Variants in RMND5A observed in about 807,000 individuals in gnomAD.
RMND5A encodes the protein required for meiotic nuclear division 5 homolog A.
In RMND5A, 17 loss-of-function variants were observed where a neutral mutation model predicts 49.7. The observed-to-expected ratio is 0.34, with a 90% CI of 0.23 to 0.51. The LOEUF (loss-of-function observed/expected upper bound fraction) is 0.51. RMND5A is among the 20% of genes least tolerant of loss of function. RMND5A has a pLI of 0.96. For synonymous variants in RMND5A, 156 were observed against 167.7 expected, an observed-to-expected ratio of 0.93 and a Z score of 0.54; for missense variants, 255 against 471.3, an observed-to-expected ratio of 0.54 and a Z score of 4.25.
intron 1 of RMND5A, among the ~76,000 whole-genome samples, chr2:86,728,918 A>T (rs2674790): frequency 6.7e-6 from 1 of 148,522 alleles, no homozygotes; most frequent in African/African-American, 2.5e-5. Flanking sequence ...AGGCCTGACT[A>T]TTTTTTTTTT....
At chr2:86,758,799 T>C (rs1282260650) in intron 4 of RMND5A, among the ~76,000 whole-genome samples, 2 of 152,338 alleles carry the variant, frequency 1.3e-5, no homozygotes, top group African/African-American at 2.4e-5. Context: ...ACACTGAGTG[T>C]TCTTTTCAGT....
At chr2:86,753,215 A>G (rs546554782) in intron 3 of RMND5A, among the ~76,000 whole-genome samples, 1 of 152,140 alleles carries the variant, frequency 6.6e-6, no homozygotes, top group South Asian at 2.1e-4. Flanking sequence ...CATTGGTCAG[A>G]ACTTAACGTC....
intron 4 of RMND5A, among the ~76,000 whole-genome samples, chr2:86,760,509 C>T (rs965283994): frequency 6.6e-6 from 1 of 152,228 alleles, no homozygotes; most frequent in African/African-American, 2.4e-5. Flanking sequence ...ATACAGACTT[C>T]TCTGCCAGCT....
chr2:86,758,845 G>A (rs1324907134), intron 4 of RMND5A, among the ~76,000 whole-genome samples: 1 of 152,026 alleles, frequency 6.6e-6, no homozygotes, highest in Non-Finnish European at 1.5e-5. Context: ...TCACTTTTTT[G>A]ACTGAACTTT....
At chr2:86,764,150 T>TA (rs1369127748) in intron 4 of RMND5A, among the ~76,000 whole-genome samples, 1 of 152,236 alleles carries the variant, frequency 6.6e-6, no homozygotes, top group African/African-American at 2.4e-5. Flanking sequence ...TTTGTATTCT[T>TA]ACCCAGTTCA....
chr2:86,760,381 G>A (rs1255416819), intron 4 of RMND5A, among the ~76,000 whole-genome samples: 1 of 152,172 alleles, frequency 6.6e-6, no homozygotes, highest in Non-Finnish European at 1.5e-5. Flanking sequence ...AGTCTTTGCA[G>A]GTTTCTAACA....
chr2:86,746,479 C>A lies in RMND5A; in HGVS notation c.285+5410C>A, dbSNP rs138602478. Reference sequence around the variant, plus strand: ...TTTCATGTACATTATTTACCTTTATCTTCACCAAAGACTTGTAAGGTCGAG... The same window carrying A: ...TTTCATGTACATTATTTACCTTTATATTCACCAAAGACTTGTAAGGTCGAG... On this transcript the variant is annotated intron_variant, in intron 2 of 8. Coordinates refer to ENST00000283632, the MANE Select transcript of RMND5A (RefSeq NM_022780.4). Among the ~76,000 whole-genome samples the A allele has an allele frequency of 4.2e-3, 640 of 152,282 alleles. 3 individuals are homozygous for A. The highest frequency in any genetic ancestry group is 0.015 in the African/African-American group (609 of 41,542).
At position 86,720,746 on chromosome 2, in the gene RMND5A, C is replaced by G; in HGVS notation, c.79C>G (p.Arg27Gly). 1 of 1,592,862 alleles carries G rather than the reference C, an allele frequency of 6.3e-7. No individual in the cohort carries two copies. The highest frequency in any genetic ancestry group is 1.1e-5 in the South Asian group (1 of 88,176). Residue 27 changes from arginine to glycine, a missense_variant, in exon 1 of 9, where the codon CGC becomes GGC. This residue lies in a region of RMND5A where 42 missense variants were observed against 59.9 expected (regional missense o/e 0.70). Transcript: ENST00000283632. Reference protein sequence around the residue: ...KFSGYGQLCERGLEELIDYTG... With the variant: ...KFSGYGQLCEGGLEELIDYTG... Reference sequence around the variant, plus strand: ...CTCAGGCTACGGGCAGCTGTGCGAGCGCGGCCTGGAGGAGCTCATCGACTA... The same window carrying G: ...CTCAGGCTACGGGCAGCTGTGCGAGGGCGGCCTGGAGGAGCTCATCGACTA...
In RMND5A at chr2:86,765,618, C is replaced by G. The variant is rs76553041; in HGVS notation, c.689-241C>G. ...ACTTCTCTAGGTAATGGTAATTATACTATGCTGTAGAGAAGAATTTAAATT... is the reference window on the plus strand; with the variant it reads ...ACTTCTCTAGGTAATGGTAATTATAGTATGCTGTAGAGAAGAATTTAAATT... On this transcript the variant is annotated intron_variant, in intron 5 of 8. Transcript: ENST00000283632. 2.9e-3 allele frequency: 1,279 copies of G among 448,446 alleles called. 16 individuals are homozygous for G. The highest frequency in any genetic ancestry group is 0.023 in the African/African-American group (1,146 of 50,448). 27.8% of individuals were successfully genotyped at this position (448,446 alleles called of 1,614,324 possible).
At chr2:86,725,187 A>T (rs1274535807) in intron 1 of RMND5A, among the ~76,000 whole-genome samples, 1 of 115,248 alleles carries the variant, frequency 8.7e-6, no homozygotes, top group Non-Finnish European at 1.8e-5. Context: ...TAAATTTAAA[A>T]TTTATTTATT....
intron 4 of RMND5A, among the ~76,000 whole-genome samples, chr2:86,761,455 TAAGA>T (rs1233287477): frequency 6.6e-6 from 1 of 152,126 alleles, no homozygotes; most frequent in Non-Finnish European, 1.5e-5. Flanking sequence ...CCTGGAGGTA[TAAGA>T]GAGAGGTCCT....
At chr2:86,749,547 C>T (rs946332895) in intron 2 of RMND5A, among the ~76,000 whole-genome samples, 3 of 152,032 alleles carry the variant, frequency 2.0e-5, no homozygotes, top group South Asian at 2.1e-4. Context: ...CCCACCACCA[C>T]GCCCAGCTAA....
intron 4 of RMND5A, among the ~76,000 whole-genome samples, chr2:86,761,625 T>C (rs922717417): frequency 6.6e-6 from 1 of 152,198 alleles, no homozygotes; most frequent in African/African-American, 2.4e-5. Flanking sequence ...TTAGTCTTAA[T>C]ATAGTATTAA....
intron 2 of RMND5A, among the ~76,000 whole-genome samples, chr2:86,750,145 T>C (rs1180508981): frequency 6.6e-6 from 1 of 152,238 alleles, no homozygotes; most frequent in African/African-American, 2.4e-5. Flanking sequence ...GCAATGCCTA[T>C]GAAAGATAAA....
intron 4 of RMND5A, among the ~76,000 whole-genome samples, chr2:86,763,776 C>CAA (rs772378501): frequency 3.0e-5 from 4 of 131,302 alleles, no homozygotes; most frequent in Admixed American, 7.7e-5. Context: ...ACCCCGTCTC[C>CAA]AAAAAAAAAA....
In RMND5A at chr2:86,753,482, A is replaced by G; in HGVS notation, c.445A>G (p.Ser149Gly). The change falls in exon 4 of 9, where the codon AGT becomes GGT. Residue 149 changes from serine to glycine, a missense_variant. By Grantham distance (56) the Ser-to-Gly change is moderately conservative. Coordinates refer to ENST00000283632, the MANE Select transcript of RMND5A (RefSeq NM_022780.4). The part of the protein sequence containing the change: ...CQESGLSVDP[S>G]QKEPFVELNR... ...GGAATCTGGTCTTTCTGTAGACCCAAGTCAGAAGGAACCATTTGTGGAGTT... is the reference window on the plus strand; with the variant it reads ...GGAATCTGGTCTTTCTGTAGACCCAGGTCAGAAGGAACCATTTGTGGAGTT... 2 of 1,610,454 alleles carry G rather than the reference A, an allele frequency of 1.2e-6. No homozygotes were observed. Among genetic ancestry groups the G allele is most frequent in the Non-Finnish European group, 8.5e-7 (1 of 1,177,342 alleles).
At chr2:86,757,174 C>CAAAAAAAAAAAAAAAAAA (rs60710494) in intron 4 of RMND5A, among the ~76,000 whole-genome samples, 1 of 97,970 alleles carries the variant, frequency 1.0e-5, no homozygotes, top group African/African-American at 4.1e-5. Context: ...AACTCAGTCT[C>CAAAAAAAAAAAAAAAAAA]AAAAAAAAAA....
In RMND5A at chr2:86,776,837, A is replaced by G. The variant is rs1672779017; in HGVS notation, c.*3426A>G. 1 of 149,360 alleles carries G rather than the reference A, an allele frequency of 6.7e-6. No homozygotes were observed. The highest frequency in any genetic ancestry group is 1.5e-5 in the Non-Finnish European group (1 of 66,818). 9.3% of individuals were successfully genotyped at this position (149,360 alleles called of 1,614,324 possible). ...CCAAATACCTTTCTTTCATCACTTAACTATACGTACTTTATCTCTGGTAAC... is the reference window on the plus strand; with the variant it reads ...CCAAATACCTTTCTTTCATCACTTAGCTATACGTACTTTATCTCTGGTAAC... On this transcript the variant is annotated 3_prime_UTR_variant, in exon 9 of 9. Transcript: ENST00000283632.
chr2:86,729,320 A>G (rs1350571269), intron 1 of RMND5A, among the ~76,000 whole-genome samples: 1 of 151,950 alleles, frequency 6.6e-6, no homozygotes, highest in East Asian at 1.9e-4. Context: ...GCCCTTAGAA[A>G]GAACTGCATG....
Sources: gnomAD v4.1 joint callset for allele counts (sites outside exome capture counted in the v4.1 genomes callset) on GRCh38, gnomAD v4.1.1 for gene constraint, gnomAD v4.1.1 regional missense constraint, MANE v1.5 for transcripts, NCBI Gene and HGNC (gene_info 2026-07-23, HGNC 2026-07-21) for gene names.